Variants in CACHD1 observed in about 807,000 individuals in gnomAD.
The protein encoded by CACHD1 is cache domain containing 1, also known as VWFA and cache domain-containing protein 1.
A neutral mutation model predicts 138.7 loss-of-function variants in CACHD1; 71 were observed. The observed-to-expected ratio is 0.51, with a 90% confidence interval of 0.42 to 0.62. CACHD1 has a LOEUF of 0.62. CACHD1 is among the 20% of genes least tolerant of loss of function. The pLI, the probability that CACHD1 is intolerant of heterozygous loss-of-function variation, is 0.00. For synonymous variants in CACHD1, 578 were observed against 591.5 expected (o/e 0.98, Z 0.33); for missense variants, 1,389 against 1,625.3 (o/e 0.85, Z 2.50).
chr1:64,634,423 G>T (rs868247188), intron 7 of CACHD1, among the ~76,000 whole-genome samples, 163 bp downstream of exon 7: 1 of 151,648 alleles, frequency 6.6e-6, no homozygotes. Context: ...GTCTTGCTCT[G>T]TCCAAGCTGG....
intron 1 of CACHD1, among the ~76,000 whole-genome samples, chr1:64,549,145 T>C (rs1335932555): frequency 6.6e-6 from 1 of 152,206 alleles, no homozygotes; most frequent in Non-Finnish European, 1.5e-5. Context: ...AGGCACTTGG[T>C]AAATATGCTT....
chr1:64,471,217 C>T (rs1646142158), intron 1 of CACHD1, among the ~76,000 whole-genome samples: 1 of 152,214 alleles, frequency 6.6e-6, no homozygotes, highest in Non-Finnish European at 1.5e-5. Flanking sequence ...TTCTGAGTAC[C>T]AGCGCCTTCA....
Position 64,650,515 on chromosome 1 carries a change from T to C in CACHD1, c.1391-1646T>C, listed in dbSNP as rs1292008469. ...TTTAAAACAGATAGCATTCTAAATGTGAACTGCTTAAAAAATGCTTTTGAG... is the reference window on the plus strand; with the variant it reads ...TTTAAAACAGATAGCATTCTAAATGCGAACTGCTTAAAAAATGCTTTTGAG... On this transcript the variant is annotated intron_variant, in intron 9 of 26. Transcript: ENST00000651257. Among the ~76,000 whole-genome samples, 4 of 152,234 alleles carry C rather than the reference T, an allele frequency of 2.6e-5. No individual in the cohort carries two copies. The East Asian group carries it at 7.7e-4, about 29-fold the overall frequency.
At chr1:64,501,848 G>A (rs148165300) in intron 1 of CACHD1, among the ~76,000 whole-genome samples, 8 of 152,310 alleles carry the variant, frequency 5.3e-5, no homozygotes, top group Non-Finnish European at 7.3e-5. Flanking sequence ...AGGGGCTTAC[G>A]TGTAGATTTG....
At chr1:64,500,742 GAGAGAGAGAGAGA>G (rs1646334436) in intron 1 of CACHD1, among the ~76,000 whole-genome samples, 1 of 17,576 alleles carries the variant, frequency 5.7e-5, no homozygotes, top group Non-Finnish European at 3.9e-4. Context: ...AAAAGAGAGA[GAGAGAGAGAGAGA>G]GAGAGAGAGA....
intron 1 of CACHD1, among the ~76,000 whole-genome samples, chr1:64,486,350 GCA>G (rs549032174): frequency 0.012 from 1,423 of 123,322 alleles, 25 homozygotes; most frequent in African/African-American, 0.04. Flanking sequence ...GAGAGCGCGC[GCA>G]CACACACACA....
chr1:64,471,053 T>C (rs1646141047), intron 1 of CACHD1, 111 bp downstream of exon 1: 5 of 1,097,304 alleles, frequency 4.6e-6, no homozygotes, highest in Non-Finnish European at 6.3e-6. Flanking sequence ...CTTGCATACA[T>C]AGAGCCCGGC....
At chr1:64,575,767 C>G (rs574479218) in intron 2 of CACHD1, among the ~76,000 whole-genome samples, 1 of 152,170 alleles carries the variant, frequency 6.6e-6, no homozygotes, top group Non-Finnish European at 1.5e-5. Context: ...AGGAAGCAGA[C>G]ATAAATAAAG....
chr1:64,658,247 T>A (rs999043053), intron 12 of CACHD1, among the ~76,000 whole-genome samples: 10 of 152,246 alleles, frequency 6.6e-5, no homozygotes, highest in African/African-American at 2.4e-4. Flanking sequence ...TCCTCAGTCC[T>A]TTCTTTTAAA....
intron 2 of CACHD1, among the ~76,000 whole-genome samples, chr1:64,572,013 T>C (rs891491074): frequency 1.3e-5 from 2 of 152,164 alleles, no homozygotes; most frequent in Non-Finnish European, 2.9e-5. Context: ...GTTCTTCAAG[T>C]AAGAGTTTTA....
At chr1:64,479,585 T>C (rs1646197161) in intron 1 of CACHD1, among the ~76,000 whole-genome samples, 1 of 152,138 alleles carries the variant, frequency 6.6e-6, no homozygotes, top group Admixed American at 6.5e-5. Flanking sequence ...AGCTGGGGGC[T>C]GTTTCTTGGA....
chr1:64,609,019 C>T (rs1372541128), intron 4 of CACHD1, among the ~76,000 whole-genome samples: 2 of 152,114 alleles, frequency 1.3e-5, no homozygotes, highest in Non-Finnish European at 2.9e-5. Context: ...CATTGAGAAA[C>T]GGGATTCACG....
At position 64,663,770 on chromosome 1, in the gene CACHD1, G is replaced by A. The variant is rs767641308; in HGVS notation, c.2027G>A (p.Arg676His). 5 of 1,614,050 alleles carry A rather than the reference G, an allele frequency of 3.1e-6. No homozygotes were observed. The highest frequency in any genetic ancestry group is 1.6e-4 in the Middle Eastern group (1 of 6,062). Residue 676 changes from arginine to histidine, a missense_variant, in exon 14 of 27, where the codon CGC becomes CAC. Coordinates refer to ENST00000651257, the MANE Select transcript of CACHD1 (RefSeq NM_020925.4). ...YEHLSQPETK[R>H]MVEHYTAYLS... The stretch of plus-strand genomic sequence containing the variant: ...CACCTCAGCCAGCCAGAGACAAAGC[G>A]CATGGTAGAGCACTACACCGCCTAT...
At chr1:64,637,215 A>G (rs1376317207) in intron 7 of CACHD1, among the ~76,000 whole-genome samples, 3 of 152,214 alleles carry the variant, frequency 2.0e-5, no homozygotes, top group Admixed American at 6.5e-5. Flanking sequence ...AATGGAGAGA[A>G]ATGTTAGACT....
chr1:64,672,221 C>T (rs1378239060), intron 17 of CACHD1, among the ~76,000 whole-genome samples: 1 of 152,196 alleles, frequency 6.6e-6, no homozygotes, highest in Non-Finnish European at 1.5e-5. Flanking sequence ...CTTAGTTCCA[C>T]CTCATGGTTC....
intron 2 of CACHD1, among the ~76,000 whole-genome samples, chr1:64,574,782 GT>G (rs1385275549): frequency 6.6e-6 from 1 of 152,114 alleles, no homozygotes; most frequent in Non-Finnish European, 1.5e-5. Flanking sequence ...AGGTAATTAA[GT>G]TGAGGCTTAG....
intron 4 of CACHD1, among the ~76,000 whole-genome samples, chr1:64,622,401 G>C (rs568344698): frequency 7.7e-4 from 117 of 152,224 alleles, no homozygotes; most frequent in African/African-American, 2.6e-3. Context: ...TCAGCAGTTT[G>C]TTTTTCTTTA....
chr1:64,677,710 G>A lies in CACHD1; in HGVS notation c.3093-449G>A, dbSNP rs1247280825. Reference sequence around the variant, plus strand: ...TTCTCTTGAGACAGTCACAATGCATGTAATACACTAAAGGCTCTGAGAAAT... The same window carrying A: ...TTCTCTTGAGACAGTCACAATGCATATAATACACTAAAGGCTCTGAGAAAT... On this transcript the variant is annotated intron_variant, in intron 22 of 26. Coordinates refer to ENST00000651257, the MANE Select transcript of CACHD1 (RefSeq NM_020925.4). Among the ~76,000 whole-genome samples, 3 of 152,174 alleles carry A rather than the reference G, an allele frequency of 2.0e-5. No homozygotes were observed. The East Asian group carries it at 5.8e-4, about 29-fold the overall frequency.
chr1:64,518,222 G>A lies in CACHD1; in HGVS notation c.199-32372G>A, dbSNP rs554855013. ...TTCTTTCCTCTAAGATAATAGCAGC[G>A]GACATACTCTCAGCACACATGGGGA... is the stretch of plus-strand genomic sequence containing the variant. On this transcript the variant is annotated intron_variant, in intron 1 of 26. Coordinates refer to ENST00000651257, the MANE Select transcript of CACHD1 (RefSeq NM_020925.4). Among the ~76,000 whole-genome samples the A allele has an allele frequency of 7.2e-5, 11 of 152,206 alleles. No homozygotes were observed. In the South Asian group the frequency reaches 1.5e-3, roughly 20 times the overall value.
Sources: gnomAD v4.1 joint callset for allele counts (sites outside exome capture counted in the v4.1 genomes callset) on GRCh38, gnomAD v4.1.1 for gene constraint, MANE v1.5 for transcripts, NCBI Gene and HGNC (gene_info 2026-07-23, HGNC 2026-07-21) for gene names.